VAV1: variants seen among roughly 807,000 people sequenced by gnomAD.
VAV1 encodes the protein vav guanine nucleotide exchange factor 1.
In VAV1, 33 loss-of-function variants were observed where a neutral mutation model predicts 128.1. The ratio of observed to expected loss-of-function variants is 0.26; its 90% CI spans 0.20 to 0.34. VAV1 has a LOEUF of 0.34. VAV1 is among the 10% of genes least tolerant of loss of function. The pLI is 1.00. For synonymous variants in VAV1, 394 were observed against 409.8 expected (o/e 0.96, Z 0.47); for missense variants, 715 against 1,093.7 (o/e 0.65, Z 4.88).
chr19:6,832,019 A>AG, intron 14 of VAV1, 72 bp from the exon 15 acceptor site: 1 of 1,078,482 alleles, frequency 9.3e-7, no homozygotes, highest in Non-Finnish European at 1.3e-6. Context: ...CTACAGAGGG[A>AG]GGGGTGGGTG....
chr19:6,842,378 A>G (rs1972400657), intron 21 of VAV1, among the ~76,000 whole-genome samples: 1 of 152,182 alleles, frequency 6.6e-6, no homozygotes. Flanking sequence ...AGGGTCCCAT[A>G]TGGTTTTGCA....
At chr19:6,832,347 C>A in intron 15 of VAV1, 147 bp downstream of exon 15, 1 of 740,798 alleles carries the variant, frequency 1.3e-6, no homozygotes, top group Non-Finnish European at 2.2e-6. Flanking sequence ...GAGGGACAGG[C>A]CCAAGGCTGT....
chr19:6,796,499 C>T (rs1056280982), intron 1 of VAV1, among the ~76,000 whole-genome samples: 1 of 152,162 alleles, frequency 6.6e-6, no homozygotes, highest in Non-Finnish European at 1.5e-5. Context: ...CATGCCAGGG[C>T]CTCAGGGCCT....
chr19:6,825,795 C>T (rs892132136), intron 8 of VAV1, among the ~76,000 whole-genome samples: 3 of 149,524 alleles, frequency 2.0e-5, no homozygotes, highest in Non-Finnish European at 3.0e-5. Flanking sequence ...GAGGCTGAGG[C>T]GGGTGGATCA....
At chr19:6,802,605 C>T (rs2617824) in intron 1 of VAV1, among the ~76,000 whole-genome samples, 133,060 of 152,190 alleles carry the variant, frequency 0.87, 58,349 homozygotes, top group East Asian at 1. Context: ...CTTCCTCCCT[C>T]GAGCCACAGA....
intron 22 of VAV1, among the ~76,000 whole-genome samples, chr19:6,844,586 A>G (rs935981965): frequency 6.6e-6 from 1 of 152,190 alleles, no homozygotes; most frequent in African/African-American, 2.4e-5. Flanking sequence ...AAAAATGTGC[A>G]TCTGTGGCGT....
chr19:6,811,530 T>C (rs1043405281), intron 1 of VAV1, among the ~76,000 whole-genome samples: 2 of 152,062 alleles, frequency 1.3e-5, no homozygotes, highest in Non-Finnish European at 2.9e-5. Flanking sequence ...ATGAGGACTC[T>C]GCTTGGCTGA....
intron 1 of VAV1, among the ~76,000 whole-genome samples, chr19:6,817,297 C>T (rs1432192585): frequency 6.6e-6 from 1 of 151,716 alleles, no homozygotes; most frequent in Non-Finnish European, 1.5e-5. Context: ...CTCCTGACCT[C>T]AAGTAATCTG....
intron 1 of VAV1, among the ~76,000 whole-genome samples, chr19:6,778,338 G>A (rs745452971): frequency 1.3e-5 from 2 of 152,180 alleles, no homozygotes; most frequent in Non-Finnish European, 2.9e-5. Context: ...GATCCACCAG[G>A]ACATGGGAGC....
chr19:6,836,033 C>T, intron 19 of VAV1: 1 of 163,538 alleles, frequency 6.1e-6, no homozygotes, highest in Non-Finnish European at 1.3e-5. Context: ...ACCACCACAC[C>T]CAGCTAATTT....
At chr19:6,784,362 G>A in intron 1 of VAV1, 1 of 421,906 alleles carries the variant, frequency 2.4e-6, no homozygotes. Context: ...AGGGAGCTGG[G>A]TGATAGCAAC....
chr19:6,780,767 T>A (rs1366800031), intron 1 of VAV1, among the ~76,000 whole-genome samples: 1 of 149,620 alleles, frequency 6.7e-6, no homozygotes, highest in Non-Finnish European at 1.5e-5. Flanking sequence ...AGAGACAGGG[T>A]TTCACCATGT....
At chr19:6,836,949 C>A (rs755044049) in intron 20 of VAV1, 36 bp from the exon 21 acceptor site, 28 of 1,609,452 alleles carry the variant, frequency 1.7e-5, no homozygotes, top group Admixed American at 3.3e-5. Context: ...GATCCTATAA[C>A]CTCTCTGTTC....
chr19:6,786,203 T>A (rs918076316), intron 1 of VAV1, among the ~76,000 whole-genome samples: 8 of 139,938 alleles, frequency 5.7e-5, no homozygotes, highest in African/African-American at 2.3e-4. Flanking sequence ...TAGTACGGAA[T>A]CAATTAATTT....
intron 1 of VAV1, among the ~76,000 whole-genome samples, chr19:6,815,992 A>G (rs1347430932): frequency 1.3e-5 from 2 of 151,724 alleles, no homozygotes; most frequent in Admixed American, 1.3e-4. Context: ...CCTCGGCAAC[A>G]TAATGAAACT....
intron 8 of VAV1, among the ~76,000 whole-genome samples, 188 bp downstream of exon 8, chr19:6,825,594 C>T (rs530806061): frequency 2.3e-4 from 35 of 152,330 alleles, no homozygotes; most frequent in Non-Finnish European, 4.0e-4. Context: ...AGTCACTTAA[C>T]CTCTCTGTGC....
At position 6,822,169 on chromosome 19, in the gene VAV1, C is replaced by A. The variant is rs1971806731; in HGVS notation, c.450-52C>A. ...GCCCTGCGCTGGGGTCTGCGGGGAC[C>A]CTGCTGTGATCTGGGAGAGGTCCAA... On this transcript the variant is annotated intron_variant, in intron 4 of 26. Transcript: ENST00000602142. The surrounding 1 kb of genome is among the most constrained non-coding windows in gnomAD (Gnocchi z 5.9). The A allele has an allele frequency of 4.6e-6, 7 of 1,524,474 alleles. No homozygotes were observed. Among genetic ancestry groups the A allele is most frequent in the Non-Finnish European group, 6.2e-6 (7 of 1,123,132 alleles). The allele number at this position is 1,524,474 out of a possible 1,614,324, so 94.4% of individuals were successfully genotyped here. A position where few individuals can be genotyped will look rare whatever the true frequency, so the allele number is the denominator to read the frequency against.
rs772860004 is a variant in VAV1, at chr19:6,821,853, A to T, written c.443A>T (p.Gln148Leu). The T allele has an allele frequency of 6.2e-7, 1 of 1,614,122 alleles. No individual in the cohort carries two copies. The highest frequency in any genetic ancestry group is 1.1e-5 in the South Asian group (1 of 91,076). The part of the protein sequence containing the change: ...DEDIYSGLSD[Q>L]IDDTVEEDED... ...GACATCTACAGTGGCCTGTCCGACC[A>T]GATCGAGTGAGTGCTCAGGCCTGTG... Residue 148 changes from glutamine to leucine, a missense_variant, in exon 4 of 27, where the codon CAG becomes CTG. Around this residue, in one of 3 missense-constraint regions of VAV1, gnomAD observed 302 missense variants for 477.8 expected, o/e 0.63. Coordinates refer to ENST00000602142, the MANE Select transcript of VAV1 (RefSeq NM_005428.4).
rs151241479 is a variant in VAV1 at position 6,838,097 on chromosome 19, GTCTATCTA to G, written c.1980+1078_1980+1085del. ...TCTGCCCTCATCTGTCTGTCTGTCT[GTCTATCTA>G]TCTATCTATCTATCTATCTATCTAT... On this transcript the variant is annotated intron_variant, in intron 21 of 26. Coordinates refer to ENST00000602142, the MANE Select transcript of VAV1 (RefSeq NM_005428.4). Among the ~76,000 whole-genome samples the G allele has an allele frequency of 2.4e-3, 358 of 146,646 alleles. 1 individual carries two copies. The highest frequency in any genetic ancestry group is 6.0e-3 in the African/African-American group (236 of 39,552).
Sources: gnomAD v4.1 joint callset for allele counts (sites outside exome capture counted in the v4.1 genomes callset) on GRCh38, gnomAD v4.1.1 for gene constraint, gnomAD v4.1.1 regional missense constraint, Gnocchi (gnomAD v3.1) non-coding constraint, MANE v1.5 for transcripts, NCBI Gene and HGNC (gene_info 2026-07-23, HGNC 2026-07-21) for gene names.